TBCEL: variants seen among roughly 807,000 people sequenced by gnomAD.
TBCEL encodes tubulin folding cofactor E like.
TBCEL carries 15 observed loss-of-function variants against 44.2 expected under a neutral mutation model. The ratio of observed to expected loss-of-function variants is 0.34; its 90% CI spans 0.23 to 0.52. The LOEUF (loss-of-function observed/expected upper bound fraction) is 0.52, where lower values mean the gene tolerates loss of function less well. Among genes scored for constraint, TBCEL ranks in the 20% least tolerant of loss-of-function variants. The probability of loss-of-function intolerance (pLI) is 0.95; values close to 1 mark genes in which losing one functional copy is unlikely to be tolerated. For synonymous variants in TBCEL, 171 were observed against 185.4 expected (o/e 0.92, Z 0.63); for missense variants, 319 against 506.3 (o/e 0.63, Z 3.55).
intron 8 of TBCEL, among the ~76,000 whole-genome samples, chr11:121,063,289 G>A (rs1945758746): frequency 6.6e-6 from 1 of 152,066 alleles, no homozygotes; most frequent in Non-Finnish European, 1.5e-5. Context: ...AAAATAGTAA[G>A]TGTTACTGTC....
At chr11:121,054,118 C>T (rs1223384092) in intron 5 of TBCEL, among the ~76,000 whole-genome samples, 3 of 151,710 alleles carry the variant, frequency 2.0e-5, no homozygotes, top group Non-Finnish European at 4.4e-5. Flanking sequence ...TGATTAAGTG[C>T]CTAGCTGATC....
intron 8 of TBCEL, among the ~76,000 whole-genome samples, chr11:121,079,474 A>G (rs1946086181): frequency 6.6e-6 from 1 of 152,220 alleles, no homozygotes; most frequent in African/African-American, 2.4e-5. Context: ...CCTGAGTTGT[A>G]ATCTCCACCC....
chr11:121,085,327 C>T (rs542572347), intron 8 of TBCEL, among the ~76,000 whole-genome samples: 41 of 152,250 alleles, frequency 2.7e-4, no homozygotes, highest in African/African-American at 8.7e-4. Flanking sequence ...CGTGAGCCAC[C>T]GTGCCTGGCA....
At chr11:121,074,988 A>G (rs1477558396) in intron 8 of TBCEL, among the ~76,000 whole-genome samples, 2 of 151,960 alleles carry the variant, frequency 1.3e-5, no homozygotes, top group Non-Finnish European at 2.9e-5. Flanking sequence ...CTTAATGTGG[A>G]TATTGTCCAG....
At chr11:121,074,877 C>T (rs922587106) in intron 8 of TBCEL, among the ~76,000 whole-genome samples, 4 of 151,928 alleles carry the variant, frequency 2.6e-5, no homozygotes, top group African/African-American at 9.7e-5. Flanking sequence ...GATTCACATG[C>T]AGTTGCAAGA....
At chr11:121,036,657 CAT>C (rs1945236768) in intron 2 of TBCEL, 45 bp downstream of exon 2, 1 of 152,106 alleles carries the variant, frequency 6.6e-6, no homozygotes, top group East Asian at 1.9e-4. Flanking sequence ...TTTTTCCCCT[CAT>C]ATTTCTCATC....
At chr11:121,030,709 A>G (rs1395032742) in intron 1 of TBCEL, among the ~76,000 whole-genome samples, 2 of 152,218 alleles carry the variant, frequency 1.3e-5, no homozygotes, top group Non-Finnish European at 1.5e-5. Context: ...CTTCCTGATC[A>G]TACTATCCAC....
intron 1 of TBCEL, 56 bp downstream of exon 1, chr11:121,024,347 C>T (rs968579000): frequency 8.5e-5 from 13 of 152,514 alleles, no homozygotes; most frequent in African/African-American, 3.1e-4. Flanking sequence ...GAGGCGTTCC[C>T]CTCTGGAGCC....
intron 8 of TBCEL, among the ~76,000 whole-genome samples, chr11:121,078,345 C>T (rs531827758): frequency 2.6e-5 from 4 of 152,260 alleles, no homozygotes; most frequent in Admixed American, 2.6e-4. Context: ...CGTCTTTCTG[C>T]TGGAGCTCGT....
intron 8 of TBCEL, among the ~76,000 whole-genome samples, chr11:121,085,107 C>T (rs1196472456): frequency 3.3e-5 from 5 of 151,888 alleles, no homozygotes; most frequent in East Asian, 3.9e-4. Flanking sequence ...GGCACAATCT[C>T]GGCTCACTGC....
chr11:121,042,653 A>G (rs1945355349), intron 2 of TBCEL, among the ~76,000 whole-genome samples: 2 of 152,108 alleles, frequency 1.3e-5, no homozygotes, highest in African/African-American at 4.8e-5. Context: ...TTATCATGAA[A>G]ATTTTTGTTC....
At chr11:121,034,432 G>C (rs1251526491) in intron 1 of TBCEL, among the ~76,000 whole-genome samples, 1 of 152,088 alleles carries the variant, frequency 6.6e-6, no homozygotes, top group South Asian at 2.1e-4. Flanking sequence ...TGGAATCTCC[G>C]TGGAGTAGAT....
chr11:121,046,084 A>G (rs905935850), intron 3 of TBCEL, among the ~76,000 whole-genome samples: 3 of 152,100 alleles, frequency 2.0e-5, no homozygotes, highest in African/African-American at 7.2e-5. Flanking sequence ...CTTTTATGGA[A>G]CATAGAGGGT....
chr11:121,079,390 GA>G (rs1442881827), intron 8 of TBCEL, among the ~76,000 whole-genome samples: 1 of 152,184 alleles, frequency 6.6e-6, no homozygotes, highest in African/African-American at 2.4e-5. Flanking sequence ...ATAATTTCTA[GA>G]ACAGTATTTA....
At chr11:121,056,326 C>A (rs1945620400) in intron 6 of TBCEL, among the ~76,000 whole-genome samples, 1 of 151,738 alleles carries the variant, frequency 6.6e-6, no homozygotes. Flanking sequence ...CTTTTTAGTG[C>A]TGAATACTAT....
chr11:121,037,332 T>C (rs1444781777), intron 2 of TBCEL, among the ~76,000 whole-genome samples: 1 of 152,246 alleles, frequency 6.6e-6, no homozygotes, highest in Admixed American at 6.5e-5. Flanking sequence ...TAAAAGTTTA[T>C]TAGAATTAGT....
At chr11:121,071,357 T>G (rs188394130) in intron 8 of TBCEL, among the ~76,000 whole-genome samples, 94 of 152,298 alleles carry the variant, frequency 6.2e-4, no homozygotes, top group African/African-American at 2.2e-3. Flanking sequence ...GATTTCTTTT[T>G]GTTTTTGAGG....
chr11:121,062,216 G>T (rs1267910262), intron 8 of TBCEL, among the ~76,000 whole-genome samples: 1 of 151,840 alleles, frequency 6.6e-6, no homozygotes, highest in African/African-American at 2.4e-5. Flanking sequence ...GACATATATG[G>T]AGTCTTTATC....
At chr11:121,031,100 C>T (rs867452955) in intron 1 of TBCEL, among the ~76,000 whole-genome samples, 9 of 152,168 alleles carry the variant, frequency 5.9e-5, no homozygotes, top group Non-Finnish European at 1.2e-4. Flanking sequence ...TCCCCCCCAC[C>T]GCAATCCTCC....
Sources: allele counts gnomAD v4.1 joint callset (sites outside exome capture counted in the v4.1 genomes callset), GRCh38; gene constraint gnomAD v4.1.1; transcripts MANE v1.5; gene names NCBI Gene and HGNC (gene_info 2026-07-23, HGNC 2026-07-21).